Variants in NTRK2 observed in about 807,000 individuals in gnomAD.
NTRK2 encodes BDNF/NT-3 growth factors receptor.
Under a neutral mutation model 94.5 loss-of-function variants are expected in NTRK2, and 13 were observed. The ratio of observed to expected loss-of-function variants is 0.14; its 90% CI spans 0.09 to 0.22. NTRK2 has a LOEUF of 0.22. NTRK2 is among the 10% of genes least tolerant of loss of function. NTRK2 has a pLI of 1.00. For missense variants in NTRK2, 639 were observed against 1,071.2 expected (o/e 0.60, Z 5.63); for synonymous variants, 372 against 407.4 (o/e 0.91, Z 1.05).
At chr9:84,849,771 G>A (rs2074663415) in intron 12 of NTRK2, among the ~76,000 whole-genome samples, 2 of 152,272 alleles carry the variant, frequency 1.3e-5, no homozygotes, top group South Asian at 2.1e-4. Context: ...ACTAATGAAT[G>A]TTCCTACGGT....
chr9:84,984,987 G>A (rs901913438), intron 17 of NTRK2, among the ~76,000 whole-genome samples: 19 of 152,206 alleles, frequency 1.2e-4, no homozygotes, highest in African/African-American at 4.6e-4. Flanking sequence ...GACTATGAGT[G>A]TGACTTTACC....
chr9:84,957,211 C>T (rs1342565855), intron 17 of NTRK2, among the ~76,000 whole-genome samples: 3 of 152,144 alleles, frequency 2.0e-5, no homozygotes, highest in East Asian at 1.9e-4. Context: ...GGCTTTCTCT[C>T]TGCAGTATTA....
chr9:84,692,532 G>A (rs546783483), intron 2 of NTRK2, among the ~76,000 whole-genome samples: 283 of 137,422 alleles, frequency 2.1e-3, no homozygotes, highest in Non-Finnish European at 3.3e-3. Flanking sequence ...ATCCAATGGC[G>A]CGATTTTGGC....
At chr9:84,688,846 A>T (rs1239972400) in intron 2 of NTRK2, among the ~76,000 whole-genome samples, 1 of 152,184 alleles carries the variant, frequency 6.6e-6, no homozygotes, top group Non-Finnish European at 1.5e-5. Flanking sequence ...GGATTGATAG[A>T]TTAATTTTCC....
chr9:84,757,662 T>A (rs1238988768), intron 12 of NTRK2, among the ~76,000 whole-genome samples: 1 of 152,226 alleles, frequency 6.6e-6, no homozygotes, highest in African/African-American at 2.4e-5. Flanking sequence ...CAAACTGAGC[T>A]TATATATATA....
At chr9:84,697,108 C>A (rs1308536074) in intron 2 of NTRK2, among the ~76,000 whole-genome samples, 1 of 152,118 alleles carries the variant, frequency 6.6e-6, no homozygotes, top group Non-Finnish European at 1.5e-5. Context: ...TAAGGAGTAC[C>A]AAATGAAACA....
At chr9:84,819,409 C>T (rs945552290) in intron 12 of NTRK2, among the ~76,000 whole-genome samples, 1 of 152,190 alleles carries the variant, frequency 6.6e-6, no homozygotes, top group African/African-American at 2.4e-5. Context: ...GTCACCTGAA[C>T]TAGGACACAG....
At chr9:84,800,013 G>A (rs192403795) in intron 12 of NTRK2, among the ~76,000 whole-genome samples, 1 of 152,212 alleles carries the variant, frequency 6.6e-6, no homozygotes, top group East Asian at 1.9e-4. Context: ...CTGTAATTTA[G>A]GTGCAATTAG....
chr9:85,009,440 C>T (rs1339917923), intron 17 of NTRK2, among the ~76,000 whole-genome samples: 1 of 152,194 alleles, frequency 6.6e-6, no homozygotes, highest in African/African-American at 2.4e-5. Flanking sequence ...TGAGCTTCCA[C>T]TTTTCACCAC....
intron 12 of NTRK2, among the ~76,000 whole-genome samples, chr9:84,768,704 A>G (rs1301108676): frequency 6.6e-6 from 1 of 152,170 alleles, no homozygotes; most frequent in African/African-American, 2.4e-5. Flanking sequence ...ACCAGAGCTC[A>G]GGACTATTGC....
chr9:84,977,559 C>A (rs1827046800), intron 17 of NTRK2, among the ~76,000 whole-genome samples: 1 of 152,160 alleles, frequency 6.6e-6, no homozygotes, highest in Non-Finnish European at 1.5e-5. Flanking sequence ...TGTGGAAGAA[C>A]CTTGAGTGTT....
At chr9:84,676,077 A>G (rs893584) in intron 2 of NTRK2, among the ~76,000 whole-genome samples, 88,560 of 152,012 alleles carry the variant, frequency 0.58, 25,879 homozygotes, top group Admixed American at 0.63. Flanking sequence ...TGGAAAGCTG[A>G]AGTCAGGAGA....
At chr9:84,676,660 C>T (rs557535539) in intron 2 of NTRK2, among the ~76,000 whole-genome samples, 1 of 152,328 alleles carries the variant, frequency 6.6e-6, no homozygotes, top group Admixed American at 6.5e-5. Flanking sequence ...CAAATGAATG[C>T]TGGGGGCCTT....
intron 14 of NTRK2, among the ~76,000 whole-genome samples, chr9:84,926,106 T>TTTCCTTCC (rs1197073231): frequency 1.7e-4 from 19 of 108,838 alleles, no homozygotes; most frequent in East Asian, 5.6e-4. Flanking sequence ...CCTTCCTTCC[T>TTTCCTTCC]TTCCTTCCTT....
intron 17 of NTRK2, among the ~76,000 whole-genome samples, chr9:84,957,554 A>G (rs1366940086): frequency 1.3e-5 from 2 of 152,214 alleles, no homozygotes; most frequent in African/African-American, 4.8e-5. Context: ...ACTCACAATA[A>G]GACACCATTT....
intron 6 of NTRK2, among the ~76,000 whole-genome samples, chr9:84,718,587 G>A (rs2061859345): frequency 6.6e-6 from 1 of 152,186 alleles, no homozygotes; most frequent in Admixed American, 6.5e-5. Flanking sequence ...TGCCTGAGAA[G>A]CTGGTCATCT....
chr9:84,802,135 G>A (rs115712852), intron 12 of NTRK2, among the ~76,000 whole-genome samples: 1,530 of 152,104 alleles, frequency 0.01, 27 homozygotes, highest in African/African-American at 0.035. Context: ...AGATGTTTTG[G>A]GTACATTAAA....
At chr9:84,942,119 A>G (rs1035024787) in intron 15 of NTRK2, among the ~76,000 whole-genome samples, 15 of 152,226 alleles carry the variant, frequency 9.9e-5, no homozygotes, top group African/African-American at 3.1e-4. Flanking sequence ...CATAGCAAGC[A>G]CAATCTGAGT....
rs7031004 is a variant in NTRK2 at position 84,771,400 on chromosome 9, G to A, written c.1396+19315G>A. On this transcript the variant is annotated intron_variant, in intron 12 of 18. Coordinates refer to ENST00000277120, the MANE Select transcript of NTRK2 (RefSeq NM_006180.6). ...ACATAGAAGTTATCAGTCCATTGCA[G>A]GGAGGTTCTTTAAGAAAATGAAGGG... Among the ~76,000 whole-genome samples, 618 of 152,276 alleles carry A rather than the reference G, an allele frequency of 4.1e-3. 9 individuals are homozygous for A. The highest frequency in any genetic ancestry group is 0.014 in the African/African-American group (591 of 41,562).
Sources: allele counts gnomAD v4.1 joint callset (sites outside exome capture counted in the v4.1 genomes callset), GRCh38; gene constraint gnomAD v4.1.1; transcripts MANE v1.5; gene names NCBI Gene and HGNC (gene_info 2026-07-23, HGNC 2026-07-21).